Variants in STAG1 observed in about 807,000 individuals in gnomAD.
The protein encoded by STAG1 is cohesin subunit SA-1.
In STAG1, 26 loss-of-function variants were observed where a neutral mutation model predicts 170.9. The observed-to-expected ratio is 0.15, with a 90% CI of 0.11 to 0.21. STAG1 has a LOEUF of 0.21. Ranked by LOEUF, STAG1 falls within the 10% of genes least tolerant of loss-of-function variation. STAG1 has a pLI of 1.00. For missense variants in STAG1, 964 were observed against 1,509.5 expected, an observed-to-expected ratio of 0.64 and a Z score of 5.99; for synonymous variants, 514 against 497.7, an observed-to-expected ratio of 1.03 and a Z score of -0.44.
At chr3:136,388,281 TAA>T (rs988219432) in intron 22 of STAG1, among the ~76,000 whole-genome samples, 18 of 152,198 alleles carry the variant, frequency 1.2e-4, no homozygotes, top group Middle Eastern at 3.4e-3. Flanking sequence ...AGAAGTGGAG[TAA>T]AAATTCAAAC....
chr3:136,741,038 G>A (rs1156650549), intron 1 of STAG1, among the ~76,000 whole-genome samples: 2 of 152,214 alleles, frequency 1.3e-5, no homozygotes, highest in Non-Finnish European at 2.9e-5. Context: ...TGCCTGTCTT[G>A]AGAAGAGAAG....
At chr3:136,369,327 A>G in intron 23 of STAG1, 45 bp from the exon 24 acceptor site, 1 of 1,463,730 alleles carries the variant, frequency 6.8e-7, no homozygotes, top group Non-Finnish European at 9.2e-7. Flanking sequence ...ACACAAATAT[A>G]ACTACAAGTC....
chr3:136,579,790 A>G (rs900995520), intron 4 of STAG1, among the ~76,000 whole-genome samples: 2 of 152,154 alleles, frequency 1.3e-5, no homozygotes, highest in African/African-American at 2.4e-5. Context: ...CTCCCCGTTC[A>G]TCATAAACAA....
intron 26 of STAG1, among the ~76,000 whole-genome samples, chr3:136,362,340 A>C (rs562912542): frequency 6.6e-6 from 1 of 152,232 alleles, no homozygotes; most frequent in East Asian, 1.9e-4. Context: ...TCACTTTTCT[A>C]TGGGATTTAT....
chr3:136,367,172 A>G, intron 24 of STAG1, 90 bp from the exon 25 acceptor site: 1 of 1,054,356 alleles, frequency 9.5e-7, no homozygotes, highest in Non-Finnish European at 1.4e-6. Context: ...AATTAGCTTA[A>G]TATTATAACT....
chr3:136,477,054 G>A (rs909952883), intron 10 of STAG1, among the ~76,000 whole-genome samples: 1 of 152,138 alleles, frequency 6.6e-6, no homozygotes. Flanking sequence ...TATATACCAG[G>A]TTGTCAAACT....
At chr3:136,367,790 A>C (rs1260107707) in intron 24 of STAG1, among the ~76,000 whole-genome samples, 1 of 152,178 alleles carries the variant, frequency 6.6e-6, no homozygotes, top group Non-Finnish European at 1.5e-5. Context: ...TGCACATATA[A>C]AAAATTTTTA....
At chr3:136,439,728 T>C (rs979924901) in intron 15 of STAG1, among the ~76,000 whole-genome samples, 8 of 152,176 alleles carry the variant, frequency 5.3e-5, no homozygotes, top group African/African-American at 9.6e-5. Flanking sequence ...ACAACATGCA[T>C]AGAGATAAAA....
In STAG1 at chr3:136,409,044, TCA is replaced by T. The variant is rs1170690802; in HGVS notation, c.2196+8839_2196+8840del. 2.6e-5 allele frequency among the ~76,000 whole-genome samples: 4 copies of T among 152,048 alleles called. No homozygotes were observed. In the East Asian group the frequency reaches 7.7e-4, roughly 29 times the overall value. ...ACTTTGGGAGGCCGAGGCGGGTGGA[TCA>T]CAGAGGTCAGGAGTTTGAGACCAGC... On this transcript the variant is annotated intron_variant, in intron 21 of 33. Coordinates refer to ENST00000383202, the MANE Select transcript of STAG1 (RefSeq NM_005862.3).
chr3:136,737,446 C>G (rs891671079), intron 1 of STAG1, among the ~76,000 whole-genome samples: 1 of 152,050 alleles, frequency 6.6e-6, no homozygotes, highest in Admixed American at 6.5e-5. Flanking sequence ...CCATGTTAGC[C>G]AGACTGGTCT....
chr3:136,748,517 C>T (rs1386560733), intron 1 of STAG1, among the ~76,000 whole-genome samples: 1 of 152,104 alleles, frequency 6.6e-6, no homozygotes, highest in Non-Finnish European at 1.5e-5. Flanking sequence ...CTGCCTCGGC[C>T]TCCTGAGTAG....
In STAG1 at chr3:136,498,273, CCA is replaced by C. The variant is rs1292479321; in HGVS notation, c.902+1948_902+1949del. Among the ~76,000 whole-genome samples the C allele has an allele frequency of 8.1e-3, 360 of 44,290 alleles. 3 individuals are homozygous for C. Among genetic ancestry groups the C allele is most frequent in the South Asian group, 0.07 (86 of 1,226 alleles). 29.1% of individuals were successfully genotyped at this position (44,290 alleles called of 152,430 possible). A position where few individuals can be genotyped will look rare whatever the true frequency, so the allele number is the denominator to read the frequency against. ...ATACACACACACACACACACACACA[CCA>C]CACACACATACACACACACACACAC... On this transcript the variant is annotated intron_variant, in intron 9 of 33. Transcript: ENST00000383202.
At chr3:136,683,071 CAG>C (rs1220599683) in intron 1 of STAG1, among the ~76,000 whole-genome samples, 1 of 152,112 alleles carries the variant, frequency 6.6e-6, no homozygotes, top group Non-Finnish European at 1.5e-5. Context: ...CATCAACATT[CAG>C]AGAGACAGAA....
chr3:136,540,718 A>C (rs1263211234), intron 6 of STAG1, among the ~76,000 whole-genome samples: 1 of 146,626 alleles, frequency 6.8e-6, no homozygotes, highest in African/African-American at 2.5e-5. Context: ...GCTACTTGGG[A>C]GGCTGAGGCA....
At chr3:136,526,442 T>G (rs944014397) in intron 6 of STAG1, among the ~76,000 whole-genome samples, 2 of 152,322 alleles carry the variant, frequency 1.3e-5, no homozygotes, top group South Asian at 2.1e-4. Flanking sequence ...GTTTTCCATT[T>G]GCTTGGTAGA....
At chr3:136,432,881 T>C (rs950425992) in intron 16 of STAG1, among the ~76,000 whole-genome samples, 1 of 152,208 alleles carries the variant, frequency 6.6e-6, no homozygotes, top group Non-Finnish European at 1.5e-5. Flanking sequence ...CGACCAAGCA[T>C]GTGGGTACAT....
At chr3:136,425,399 G>A (rs1398710008) in intron 16 of STAG1, among the ~76,000 whole-genome samples, 1 of 152,098 alleles carries the variant, frequency 6.6e-6, no homozygotes, top group East Asian at 1.9e-4. Context: ...ATATCTGTAT[G>A]TGTACATGCC....
At chr3:136,652,040 A>G (rs559504253) in intron 1 of STAG1, among the ~76,000 whole-genome samples, 10 of 152,356 alleles carry the variant, frequency 6.6e-5, no homozygotes, top group South Asian at 2.1e-4. Context: ...ATCACAGGAA[A>G]GTCTCAGAAG....
At chr3:136,619,054 C>A (rs115953473) in intron 3 of STAG1, among the ~76,000 whole-genome samples, 1 of 151,780 alleles carries the variant, frequency 6.6e-6, no homozygotes, top group Non-Finnish European at 1.5e-5. Flanking sequence ...GAGGAGAAGA[C>A]AGAAGCAAAG....
Sources: allele counts gnomAD v4.1 joint callset (sites outside exome capture counted in the v4.1 genomes callset), GRCh38; gene constraint gnomAD v4.1.1; transcripts MANE v1.5; gene names NCBI Gene and HGNC (gene_info 2026-07-23, HGNC 2026-07-21).